The following NIBAN1 variants were observed in gnomAD, a reference collection of about 807,000 sequenced individuals.
The protein encoded by NIBAN1 is protein Niban 1.
A neutral mutation model predicts 75.1 loss-of-function variants in NIBAN1; 81 were observed. The observed-to-expected ratio is 1.08, with a 90% CI of 0.90 to 1.30. The LOEUF is 1.30. NIBAN1 is among the 50% of genes most tolerant of loss of function. The pLI is 0.00. For synonymous variants in NIBAN1, 436 were observed against 424.8 expected (o/e 1.03, Z -0.32); for missense variants, 1,133 against 1,128.1 (o/e 1.00, Z -0.06).
At chr1:184,884,013 T>C (rs1378443988) in intron 5 of NIBAN1, among the ~76,000 whole-genome samples, 4 of 152,170 alleles carry the variant, frequency 2.6e-5, no homozygotes, top group African/African-American at 9.7e-5. Flanking sequence ...GTGAAGTATA[T>C]GCAAAATGGT....
chr1:184,943,536 A>G (rs1051489661), intron 1 of NIBAN1, among the ~76,000 whole-genome samples: 6 of 152,184 alleles, frequency 3.9e-5, no homozygotes, highest in African/African-American at 1.4e-4. Flanking sequence ...CAGGAAAAAA[A>G]CAGCAACAAC....
rs1174066517 is a variant in NIBAN1 at position 184,827,953 on chromosome 1, G to GTTTTTTTTTTT, written c.717+3893_717+3894insAAAAAAAAAAA. Among the ~76,000 whole-genome samples the GTTTTTTTTTTT allele has an allele frequency of 2.0e-5, 2 of 100,274 alleles. 1 individual carries two copies. The allele number at this position is 100,274 out of a possible 152,430, so 65.8% of individuals were successfully genotyped here. Reference sequence around the variant, plus strand: ...AAGGCCTAAAAATGCGGGTAGTTTTGTTTTTTGTTTTTTTTTTTTTTTTCC... The same window carrying GTTTTTTTTTTT: ...AAGGCCTAAAAATGCGGGTAGTTTTGTTTTTTTTTTTTTTTTTGTTTTTTTTTTTTTTTTCC... On this transcript the variant is annotated intron_variant, in intron 6 of 13. Transcript: ENST00000367511.
chr1:184,796,200 C>T (rs1653860357), intron 13 of NIBAN1, 103 bp from the exon 14 acceptor site: 3 of 1,267,406 alleles, frequency 2.4e-6, no homozygotes, highest in Admixed American at 2.8e-5. Flanking sequence ...TTTCAAGACC[C>T]AGCTTACATC....
At chr1:184,924,890 G>A (rs1657644687) in intron 1 of NIBAN1, among the ~76,000 whole-genome samples, 1 of 152,032 alleles carries the variant, frequency 6.6e-6, no homozygotes, top group African/African-American at 2.4e-5. Flanking sequence ...CCATTTTCAG[G>A]TCTAATTTTA....
chr1:184,844,454 A>G (rs1481464793), intron 5 of NIBAN1, among the ~76,000 whole-genome samples: 1 of 152,312 alleles, frequency 6.6e-6, no homozygotes, highest in African/African-American at 2.4e-5. Flanking sequence ...AGGCTTTTAC[A>G]ATTTACAACA....
At chr1:184,961,136 T>G (rs1658630334) in intron 1 of NIBAN1, among the ~76,000 whole-genome samples, 1 of 136,270 alleles carries the variant, frequency 7.3e-6, no homozygotes. Context: ...TGGCGCGATC[T>G]CGGCTCACTG....
intron 5 of NIBAN1, among the ~76,000 whole-genome samples, chr1:184,881,541 C>T (rs1322506461): frequency 1.3e-5 from 2 of 152,156 alleles, no homozygotes; most frequent in South Asian, 4.2e-4. Context: ...TTGGATCTCG[C>T]GCAAGAAAGA....
intron 1 of NIBAN1, among the ~76,000 whole-genome samples, chr1:184,942,381 T>C (rs1658112239): frequency 6.6e-6 from 1 of 152,220 alleles, no homozygotes; most frequent in Non-Finnish European, 1.5e-5. Flanking sequence ...TCTAGCATAG[T>C]AGGAAGAACA....
intron 6 of NIBAN1, among the ~76,000 whole-genome samples, chr1:184,825,716 T>G (rs935440185): frequency 6.6e-6 from 1 of 152,178 alleles, no homozygotes; most frequent in Admixed American, 6.5e-5. Context: ...GCTCCTGAAT[T>G]GCAGCAGCTT....
At chr1:184,953,740 A>T (rs1178395471) in intron 1 of NIBAN1, among the ~76,000 whole-genome samples, 1 of 152,230 alleles carries the variant, frequency 6.6e-6, no homozygotes, top group Non-Finnish European at 1.5e-5. Flanking sequence ...GGAAGTGCCA[A>T]ATAATGATAC....
intron 5 of NIBAN1, among the ~76,000 whole-genome samples, chr1:184,876,211 T>C (rs1388979561): frequency 6.7e-6 from 1 of 148,260 alleles, no homozygotes; most frequent in Non-Finnish European, 1.5e-5. Flanking sequence ...GTTGATAAAA[T>C]TCATCAAGGA....
rs563095159 is a variant in NIBAN1 at position 184,876,024 on chromosome 1, T to G, written c.601+8609A>C. ...CGTTGTCTCTGCTAAAAATACAAAA[T>G]TAGCCGGGCATGGTGGCGCATGCCT... On this transcript the variant is annotated intron_variant, in intron 5 of 13. Coordinates refer to ENST00000367511, the MANE Select transcript of NIBAN1 (RefSeq NM_052966.4). Among the ~76,000 whole-genome samples, 261 of 151,896 alleles carry G rather than the reference T, an allele frequency of 1.7e-3. 2 individuals are homozygous for G. Among genetic ancestry groups the G allele is most frequent in the Non-Finnish European group, 2.8e-3 (191 of 67,920 alleles).
chr1:184,816,860 A>AATT lies in NIBAN1; in HGVS notation c.1173+1775_1173+1777dup, dbSNP rs140305141. ...ATTGAGAAAATGACCAAAAGGGGGG[A>AATT]ATTATTATTATTATTATTATTTTAT... On this transcript the variant is annotated intron_variant, in intron 9 of 13. Transcript: ENST00000367511. 9.6e-3 allele frequency among the ~76,000 whole-genome samples: 1,442 copies of AATT among 149,804 alleles called. 18 individuals carry two copies. The highest frequency in any genetic ancestry group is 0.033 in the African/African-American group (1,350 of 40,928).
chr1:184,867,848 C>T (rs1324836776), intron 5 of NIBAN1: 1 of 985,158 alleles, frequency 1.0e-6, no homozygotes, highest in Admixed American at 6.1e-5. Flanking sequence ...ATGTTCTGGA[C>T]ACAGTAGACC....
intron 1 of NIBAN1, among the ~76,000 whole-genome samples, chr1:184,938,507 GTGTTTTCTTCTT>G (rs1250206286): frequency 2.7e-5 from 4 of 147,132 alleles, no homozygotes; most frequent in Non-Finnish European, 6.0e-5. Context: ...TGCTCTTTCT[GTGTTTTCTTCTT>G]TGTAATCAAG....
intron 6 of NIBAN1, among the ~76,000 whole-genome samples, chr1:184,830,457 G>A (rs1305890974): frequency 6.6e-6 from 1 of 152,024 alleles, no homozygotes; most frequent in Non-Finnish European, 1.5e-5. Context: ...GCAAGTCTCA[G>A]GTTGGGAAAT....
rs564502460 is a variant in NIBAN1 at position 184,965,263 on chromosome 1, C to T, written c.55+9039G>A. 1.1e-3 allele frequency among the ~76,000 whole-genome samples: 170 copies of T among 151,694 alleles called. 2 individuals carry two copies. Among genetic ancestry groups the T allele is most frequent in the African/African-American group, 4.0e-3 (164 of 41,346 alleles). On this transcript the variant is annotated intron_variant, in intron 1 of 13. Coordinates refer to ENST00000367511, the MANE Select transcript of NIBAN1 (RefSeq NM_052966.4). ...GCAGTGAGCCGAGATCGCGCCACTGCACTCCAGCCTGGGCAACAGAGTGAG... is the reference window on the plus strand; with the variant it reads ...GCAGTGAGCCGAGATCGCGCCACTGTACTCCAGCCTGGGCAACAGAGTGAG...
chr1:184,931,098 C>T (rs1280665022), intron 1 of NIBAN1, among the ~76,000 whole-genome samples: 1 of 148,318 alleles, frequency 6.7e-6, no homozygotes, highest in Non-Finnish European at 1.5e-5. Context: ...CTTCTGGGTT[C>T]AAGCAATTCT....
intron 11 of NIBAN1, among the ~76,000 whole-genome samples, chr1:184,805,668 A>G (rs1178408755): frequency 6.6e-6 from 1 of 152,098 alleles, no homozygotes; most frequent in East Asian, 1.9e-4. Context: ...GTGGACAGCT[A>G]ATACGTGTTT....
Sources: gnomAD v4.1 joint callset for allele counts (sites outside exome capture counted in the v4.1 genomes callset) on GRCh38, gnomAD v4.1.1 for gene constraint, MANE v1.5 for transcripts, NCBI Gene and HGNC (gene_info 2026-07-23, HGNC 2026-07-21) for gene names.